VDAC1: variants seen among roughly 807,000 people sequenced by gnomAD.
VDAC1 encodes the protein non-selective voltage-gated ion channel VDAC1.
VDAC1 carries 10 observed loss-of-function variants against 34.7 expected under a neutral mutation model. That is an observed-to-expected ratio of 0.29 (90% CI 0.18 to 0.49). The LOEUF (loss-of-function observed/expected upper bound fraction) is 0.49, where lower values mean the gene tolerates loss of function less well. Among genes scored for constraint, VDAC1 ranks in the 20% least tolerant of loss-of-function variants. The probability of loss-of-function intolerance (pLI) is 0.99; values close to 1 mark genes in which losing one functional copy is unlikely to be tolerated. For missense variants in VDAC1, 230 were observed against 347.9 expected, an observed-to-expected ratio of 0.66 and a Z score of 2.69; for synonymous variants, 130 against 136.0, an observed-to-expected ratio of 0.96 and a Z score of 0.30.
chr5:133,979,262 A>G (rs1288538285), intron 6 of VDAC1, among the ~76,000 whole-genome samples: 1 of 152,136 alleles, frequency 6.6e-6, no homozygotes, highest in Non-Finnish European at 1.5e-5. Flanking sequence ...GTACTGAAGA[A>G]TTGGTGCCAA....
chr5:134,052,037 C>T, the VDAC1 span, among the ~76,000 whole-genome samples: 1 of 152,034 alleles, frequency 6.6e-6, no homozygotes, highest in African/African-American at 2.4e-5. Context: ...ACAGCGGGTA[C>T]AAGCAAGAAG....
the VDAC1 span, among the ~76,000 whole-genome samples, chr5:134,082,820 A>G: frequency 6.6e-6 from 1 of 152,192 alleles, no homozygotes; most frequent in African/African-American, 2.4e-5. Flanking sequence ...CCTGATGACT[A>G]ATGACGTTGA....
the VDAC1 span, among the ~76,000 whole-genome samples, chr5:134,044,597 A>G: frequency 2.6e-5 from 4 of 151,078 alleles, no homozygotes; most frequent in South Asian, 2.1e-4. Flanking sequence ...GCACATACCC[A>G]TTGGTGCACG....
chr5:134,049,385 T>C, the VDAC1 span, among the ~76,000 whole-genome samples: 3 of 152,128 alleles, frequency 2.0e-5, no homozygotes, highest in South Asian at 6.2e-4. Context: ...TGAGCCACCA[T>C]GCCCACCCCT....
the VDAC1 span, among the ~76,000 whole-genome samples, chr5:134,039,572 G>A: frequency 1.3e-4 from 20 of 152,036 alleles, no homozygotes; most frequent in South Asian, 4.1e-4. Context: ...CTCGTGATCC[G>A]CCCGCCTTGG....
chr5:133,997,200 C>T (rs1753348875), intron 1 of VDAC1, among the ~76,000 whole-genome samples: 1 of 152,104 alleles, frequency 6.6e-6, no homozygotes, highest in Non-Finnish European at 1.5e-5. Flanking sequence ...GCAATTAACC[C>T]AGCATTAACC....
At chr5:133,993,746 T>G (rs1753194742) in intron 1 of VDAC1, among the ~76,000 whole-genome samples, 1 of 152,242 alleles carries the variant, frequency 6.6e-6, no homozygotes. Context: ...TACTTGGGAT[T>G]GCTGCATATC....
intron 1 of VDAC1, among the ~76,000 whole-genome samples, chr5:134,001,421 T>G (rs923627266): frequency 6.6e-6 from 1 of 152,116 alleles, no homozygotes; most frequent in Non-Finnish European, 1.5e-5. Context: ...CATACTTTTA[T>G]AGCAGACAAA....
chr5:134,030,895 G>A, the VDAC1 span, among the ~76,000 whole-genome samples: 2 of 152,216 alleles, frequency 1.3e-5, no homozygotes, highest in East Asian at 3.9e-4. Context: ...TTACAGCCGT[G>A]AGCCACTGCT....
At chr5:134,055,616 T>TTTTTTTTTTTTTTTTTTTG in the VDAC1 span, among the ~76,000 whole-genome samples, 1 of 103,214 alleles carries the variant, frequency 9.7e-6, no homozygotes, top group Non-Finnish European at 2.2e-5. Flanking sequence ...TTTTTTTTTT[T>TTTTTTTTTTTTTTTTTTTG]TTTAGTAGAG....
At chr5:134,057,187 A>G in the VDAC1 span, among the ~76,000 whole-genome samples, 2 of 152,124 alleles carry the variant, frequency 1.3e-5, no homozygotes, top group African/African-American at 2.4e-5. Flanking sequence ...ATATAAAATT[A>G]GCCAAGTGAA....
At chr5:134,020,349 C>T in the VDAC1 span, among the ~76,000 whole-genome samples, 1 of 152,036 alleles carries the variant, frequency 6.6e-6, no homozygotes, top group Non-Finnish European at 1.5e-5. Context: ...CCGCTCACCC[C>T]TCCCCAGCTC....
At chr5:134,068,735 C>T in the VDAC1 span, among the ~76,000 whole-genome samples, 13 of 152,256 alleles carry the variant, frequency 8.5e-5, no homozygotes, top group East Asian at 2.3e-3. Flanking sequence ...ACAGACCCAA[C>T]AGTTCTGGAA....
chr5:134,022,190 A>C, the VDAC1 span, among the ~76,000 whole-genome samples: 1 of 152,174 alleles, frequency 6.6e-6, no homozygotes, highest in Non-Finnish European at 1.5e-5. Context: ...AAAGGCTGTG[A>C]TCTTACATAA....
At chr5:134,106,434 G>A in the VDAC1 span, among the ~76,000 whole-genome samples, 1 of 91,934 alleles carries the variant, frequency 1.1e-5, no homozygotes, top group Non-Finnish European at 2.1e-5. Context: ...TTTAAATGGA[G>A]TCTCATCCTG....
chr5:134,068,471 T>G, the VDAC1 span, among the ~76,000 whole-genome samples: 1 of 152,122 alleles, frequency 6.6e-6, no homozygotes, highest in South Asian at 2.1e-4. Context: ...AACACGTATT[T>G]TAGTTTAGAA....
chr5:134,086,722 T>A, the VDAC1 span, among the ~76,000 whole-genome samples: 1 of 152,150 alleles, frequency 6.6e-6, no homozygotes, highest in Admixed American at 6.6e-5. Context: ...CTCCTTCTTT[T>A]CTTGGGTGTT....
chr5:133,981,564 G>A (rs993651336), intron 5 of VDAC1, among the ~76,000 whole-genome samples: 3 of 152,108 alleles, frequency 2.0e-5, no homozygotes, highest in African/African-American at 4.8e-5. Flanking sequence ...CAGTCATGGG[G>A]GCCAGGAAGT....
chr5:134,072,969 A>G, the VDAC1 span, among the ~76,000 whole-genome samples: 1 of 152,196 alleles, frequency 6.6e-6, no homozygotes, highest in East Asian at 1.9e-4. Context: ...ATTTAGCTCC[A>G]AAGGGAAGAA....
Sources: allele counts gnomAD v4.1 joint callset (sites outside exome capture counted in the v4.1 genomes callset), GRCh38; gene constraint gnomAD v4.1.1; transcripts MANE v1.5; gene names NCBI Gene and HGNC (gene_info 2026-07-23, HGNC 2026-07-21).